ANKRD44: variants seen among roughly 807,000 people sequenced by gnomAD.
ANKRD44 encodes ankyrin repeat domain 44, also known as serine/threonine-protein phosphatase 6 regulatory ankyrin repeat subunit B.
A neutral mutation model predicts 116.0 loss-of-function variants in ANKRD44; 35 were observed. The ratio of observed to expected loss-of-function variants is 0.30; its 90% confidence interval spans 0.23 to 0.40. ANKRD44 has a LOEUF of 0.40. Ranked by LOEUF, ANKRD44 falls within the 10% of genes least tolerant of loss-of-function variation. The pLI, the probability that ANKRD44 is intolerant of heterozygous loss-of-function variation, is 1.00. For synonymous variants in ANKRD44, 435 were observed against 461.8 expected (o/e 0.94, Z 0.74); for missense variants, 1,014 against 1,242.6 (o/e 0.82, Z 2.77).
At chr2:197,012,320 G>A (rs949129043) in intron 18 of ANKRD44, among the ~76,000 whole-genome samples, 1 of 152,140 alleles carries the variant, frequency 6.6e-6, no homozygotes, top group Non-Finnish European at 1.5e-5. Context: ...TTATAAGGGC[G>A]ATTTTCCACA....
intron 17 of ANKRD44, chr2:197,015,975 C>A: frequency 3.7e-6 from 2 of 542,394 alleles, no homozygotes; most frequent in South Asian, 2.8e-5. Flanking sequence ...GTGGTTGGGT[C>A]TGGTGGTGGA....
chr2:197,252,477 G>C (rs1441398854), intron 1 of ANKRD44, among the ~76,000 whole-genome samples: 3 of 152,052 alleles, frequency 2.0e-5, no homozygotes, highest in Admixed American at 6.6e-5. Context: ...CGCGATCTCG[G>C]CTCACTGCAA....
At chr2:197,274,011 A>T (rs1296131711) in intron 1 of ANKRD44, among the ~76,000 whole-genome samples, 6 of 100,626 alleles carry the variant, frequency 6.0e-5, no homozygotes, top group African/African-American at 8.2e-5. Context: ...ATATATATAT[A>T]TATATATATA....
chr2:197,191,994 C>A (rs915471523), intron 1 of ANKRD44, among the ~76,000 whole-genome samples: 1 of 152,058 alleles, frequency 6.6e-6, no homozygotes, highest in African/African-American at 2.4e-5. Context: ...TCAGACACAC[C>A]CTCCATTTAA....
At chr2:197,254,155 G>A (rs1186529369) in intron 1 of ANKRD44, among the ~76,000 whole-genome samples, 1 of 152,182 alleles carries the variant, frequency 6.6e-6, no homozygotes, top group Non-Finnish European at 1.5e-5. Context: ...CACTTTGGGA[G>A]GCCAAGGCGG....
intron 16 of ANKRD44, among the ~76,000 whole-genome samples, chr2:197,065,651 A>C (rs140432865): frequency 1.3e-5 from 2 of 152,240 alleles, no homozygotes; most frequent in Non-Finnish European, 2.9e-5. Context: ...ACAAACTATC[A>C]TCAGAGAACA....
At chr2:197,129,527 T>A (rs372220598) in intron 4 of ANKRD44, among the ~76,000 whole-genome samples, 19 of 152,290 alleles carry the variant, frequency 1.2e-4, no homozygotes, top group African/African-American at 4.6e-4. Flanking sequence ...TGTTTTAGGA[T>A]TGTAGGCCTT....
intron 23 of ANKRD44, 83 bp downstream of exon 23, chr2:197,000,331 TAAAAA>T: frequency 9.9e-7 from 1 of 1,010,086 alleles, no homozygotes; most frequent in Admixed American, 2.1e-5. Flanking sequence ...TTCTTTCAAT[TAAAAA>T]CATAGATGTT....
intron 21 of ANKRD44, among the ~76,000 whole-genome samples, chr2:196,967,797 C>T (rs751082422): frequency 2.6e-5 from 4 of 152,108 alleles, no homozygotes; most frequent in East Asian, 1.9e-4. Context: ...GCTATCTTCT[C>T]GATATAGTTT....
At chr2:197,138,372 A>G (rs1204919833) in intron 3 of ANKRD44, among the ~76,000 whole-genome samples, 1 of 152,250 alleles carries the variant, frequency 6.6e-6, no homozygotes, top group Non-Finnish European at 1.5e-5. Context: ...AGAAATACAT[A>G]TCTTTTTAAG....
intron 1 of ANKRD44, among the ~76,000 whole-genome samples, chr2:197,213,104 A>G (rs1355987192): frequency 6.6e-6 from 1 of 152,132 alleles, no homozygotes; most frequent in Non-Finnish European, 1.5e-5. Context: ...GCACCTTCCA[A>G]AGAGATTTTC....
At chr2:197,218,777 T>TTTTTTTTTTTTTTTTTTTG (rs2081513362) in intron 1 of ANKRD44, among the ~76,000 whole-genome samples, 1 of 87,272 alleles carries the variant, frequency 1.1e-5, no homozygotes, top group Non-Finnish European at 2.3e-5. Context: ...TTTTTTTTTT[T>TTTTTTTTTTTTTTTTTTTG]GAGATGGAGT....
At chr2:197,278,506 A>AG (rs1559213063) in intron 1 of ANKRD44, among the ~76,000 whole-genome samples, 1 of 151,788 alleles carries the variant, frequency 6.6e-6, no homozygotes, top group Non-Finnish European at 1.5e-5. Flanking sequence ...ACAGGCACGC[A>AG]CCACCACGCC....
intron 16 of ANKRD44, among the ~76,000 whole-genome samples, chr2:197,046,732 C>A (rs183649047): frequency 1.6e-4 from 25 of 151,704 alleles, no homozygotes; most frequent in African/African-American, 5.8e-4. Context: ...TTTCTAATAG[C>A]AAGCATATTT....
chr2:197,122,593 A>G, intron 7 of ANKRD44, 57 bp downstream of exon 7: 3 of 1,564,126 alleles, frequency 1.9e-6, no homozygotes, highest in Non-Finnish European at 2.6e-6. Flanking sequence ...TAACTTTAGA[A>G]TAACAGAAAT....
intron 4 of ANKRD44, chr2:197,134,078 C>G (rs991431760): frequency 6.6e-6 from 1 of 151,460 alleles, no homozygotes; most frequent in East Asian, 1.9e-4. Context: ...CTCAGCCTCC[C>G]GAGTAGCTGG....
intron 1 of ANKRD44, among the ~76,000 whole-genome samples, chr2:197,221,281 T>C (rs11685528): frequency 0.4 from 59,704 of 148,820 alleles, 13,828 homozygotes; most frequent in East Asian, 0.66. Flanking sequence ...CTAGATAAGG[T>C]AATTTTTTTT....
At chr2:197,268,792 C>T (rs1242246849) in intron 1 of ANKRD44, among the ~76,000 whole-genome samples, 2 of 152,186 alleles carry the variant, frequency 1.3e-5, no homozygotes, top group African/African-American at 2.4e-5. Context: ...GCCTTCACTC[C>T]GCAGAACTGG....
intron 2 of ANKRD44, among the ~76,000 whole-genome samples, chr2:197,186,669 T>TGC (rs1220556874): frequency 7.8e-6 from 1 of 128,328 alleles, no homozygotes; most frequent in Admixed American, 9.9e-5. Flanking sequence ...TTCACCATGT[T>TGC]GCCCAGGTCT....
Sources: gnomAD v4.1 joint callset for allele counts (sites outside exome capture counted in the v4.1 genomes callset) on GRCh38, gnomAD v4.1.1 for gene constraint, MANE v1.5 for transcripts, NCBI Gene and HGNC (gene_info 2026-07-23, HGNC 2026-07-21) for gene names.